ACTR3C: variants seen among roughly 807,000 people sequenced by gnomAD.
ACTR3C encodes the protein actin-related protein 3C.
In ACTR3C, 18 loss-of-function variants were observed where a neutral mutation model predicts 26.3. That is an observed-to-expected ratio of 0.68 (90% CI 0.47 to 1.01). The LOEUF is 1.01. Ranked by LOEUF, ACTR3C falls within the 50% of genes least tolerant of loss-of-function variation. The pLI, the probability that ACTR3C is intolerant of heterozygous loss-of-function variation, is 0.00. For missense variants in ACTR3C, 184 were observed against 250.7 expected (o/e 0.73, Z 1.80); for synonymous variants, 55 against 94.5 (o/e 0.58, Z 2.42).
the ACTR3C span, among the ~76,000 whole-genome samples, chr7:150,042,469 A>G: frequency 7.2e-6 from 1 of 138,004 alleles, no homozygotes. Context: ...CAGGGGAGGA[A>G]AGGGGGAGGT....
intron 4 of ACTR3C, among the ~76,000 whole-genome samples, chr7:150,288,930 A>G (rs1835992230): frequency 6.6e-6 from 1 of 151,624 alleles, no homozygotes; most frequent in South Asian, 2.1e-4. Flanking sequence ...AGAAGGGAGG[A>G]AGGCAGTGAG....
rs1399515186 is a variant in ACTR3C at position 150,287,037 on chromosome 7, C to G, written c.298-497G>C. Among the ~76,000 whole-genome samples, 3 of 152,308 alleles carry G rather than the reference C, an allele frequency of 2.0e-5. No homozygotes were observed. The East Asian group carries it at 5.8e-4, about 29-fold the overall frequency. On this transcript the variant is annotated intron_variant, in intron 4 of 7. Coordinates refer to ENST00000683684, the MANE Select transcript of ACTR3C (RefSeq NM_001164458.2). ...CAGCATGCCACAAGCCGGGTGGCCA[C>G]TGTCAACCTGCTGGTTGTTAATCTG... is the stretch of plus-strand genomic sequence containing the variant.
At chr7:150,167,014 C>T in the ACTR3C span, among the ~76,000 whole-genome samples, 85,073 of 141,216 alleles carry the variant, frequency 0.6, 26,523 homozygotes, top group East Asian at 0.83. Context: ...TAGTATTCCA[C>T]TGTGTATATA....
chr7:150,078,254 C>A, the ACTR3C span, among the ~76,000 whole-genome samples: 1 of 149,734 alleles, frequency 6.7e-6, no homozygotes, highest in South Asian at 2.2e-4. Context: ...CTCCCAAAGG[C>A]AAATGCAAGT....
At chr7:150,255,691 G>A (rs1252475924) in intron 6 of ACTR3C, among the ~76,000 whole-genome samples, 1 of 152,076 alleles carries the variant, frequency 6.6e-6, no homozygotes, top group African/African-American at 2.4e-5. Flanking sequence ...ATGATCGTTT[G>A]CCAACAGCAA....
At chr7:149,984,906 T>G in the ACTR3C span, among the ~76,000 whole-genome samples, 1 of 152,152 alleles carries the variant, frequency 6.6e-6, no homozygotes, top group East Asian at 1.9e-4. Context: ...TTAATAAAAT[T>G]TTGATCAAAA....
At chr7:150,018,292 C>A in the ACTR3C span, among the ~76,000 whole-genome samples, 1 of 147,762 alleles carries the variant, frequency 6.8e-6, no homozygotes, top group Non-Finnish European at 1.5e-5. Flanking sequence ...GATACACCCA[C>A]CTCGGCCTCC....
the ACTR3C span, among the ~76,000 whole-genome samples, chr7:150,048,087 C>T: frequency 6.6e-6 from 1 of 152,078 alleles, no homozygotes; most frequent in Admixed American, 6.5e-5. Context: ...CTCGCGAAGC[C>T]GGGGCTCTGG....
chr7:150,180,410 C>G, the ACTR3C span, among the ~76,000 whole-genome samples: 1 of 150,790 alleles, frequency 6.6e-6, no homozygotes, highest in Non-Finnish European at 1.5e-5. Context: ...TTTTACTTCC[C>G]TGACCAGTAG....
chr7:149,907,478 T>TTCTCTTCTCTTCTCTCTCTCTCTCTC, the ACTR3C span, among the ~76,000 whole-genome samples: 10 of 97,686 alleles, frequency 1.0e-4, no homozygotes, highest in South Asian at 4.6e-4. Flanking sequence ...CTCTCTTCTC[T>TTCTCTTCTCTTCTCTCTCTCTCTCTC]TCTCTCTCTC....
chr7:150,039,829 G>C, the ACTR3C span, among the ~76,000 whole-genome samples: 112 of 92,814 alleles, frequency 1.2e-3, no homozygotes, highest in Middle Eastern at 9.6e-3. Flanking sequence ...GGGTGCCTCC[G>C]CCCCCAGCGA....
the ACTR3C span, among the ~76,000 whole-genome samples, chr7:149,903,354 G>C: frequency 2.0e-5 from 3 of 152,050 alleles, no homozygotes; most frequent in Non-Finnish European, 4.4e-5. Flanking sequence ...AGAATGTGCA[G>C]ACTGTTAAAT....
chr7:150,272,322 T>G (rs138864495), intron 6 of ACTR3C, among the ~76,000 whole-genome samples: 5,037 of 139,216 alleles, frequency 0.036, 1,445 homozygotes, highest in African/African-American at 0.15. Flanking sequence ...CCACTTATTT[T>G]CTTAGTACCC....
chr7:150,063,508 G>A, the ACTR3C span, among the ~76,000 whole-genome samples: 17 of 151,432 alleles, frequency 1.1e-4, no homozygotes, highest in East Asian at 1.9e-4. Context: ...TGGGAAGGCC[G>A]TCTTCCTACC....
At chr7:149,955,872 C>T in the ACTR3C span, among the ~76,000 whole-genome samples, 42 of 151,948 alleles carry the variant, frequency 2.8e-4, no homozygotes, top group Admixed American at 2.3e-3. Flanking sequence ...CAAAGACAGT[C>T]GACAAGGACA....
At position 150,289,525 on chromosome 7, in the gene ACTR3C, G is replaced by A. The variant is rs752125343; in HGVS notation, c.222C>T (p.Phe74=). 1.9e-6 allele frequency: 3 copies of A among 1,604,746 alleles called. No individual in the cohort carries two copies. Among genetic ancestry groups the A allele is most frequent in the Non-Finnish European group, 2.6e-6 (3 of 1,174,990 alleles). ...CCCTCTCCCTTAGCAGCTGTTGAATGAAATACGTAATATCTCTACCTGCAA... is the reference window on the plus strand; with the variant it reads ...CCCTCTCCCTTAGCAGCTGTTGAATAAAATACGTAATATCTCTACCTGCAA... ...IPIAGRDITY[F]IQQLLREREV... The change falls in exon 4 of 8, where the codon TTC becomes TTT. Residue 74 remains phenylalanine (F), a synonymous_variant. Coordinates refer to ENST00000683684, the MANE Select transcript of ACTR3C (RefSeq NM_001164458.2).
chr7:150,084,217 T>C, the ACTR3C span, among the ~76,000 whole-genome samples: 15 of 147,926 alleles, frequency 1.0e-4, no homozygotes, highest in African/African-American at 3.5e-4. Flanking sequence ...TTACTATGTA[T>C]ACCAGTTACT....
At chr7:149,993,376 CTTATAATTTGACAT>C in the ACTR3C span, among the ~76,000 whole-genome samples, 10 of 152,294 alleles carry the variant, frequency 6.6e-5, no homozygotes, top group Admixed American at 4.6e-4. Flanking sequence ...AATTTGCACA[CTTATAATTTGACAT>C]TTATAATTTC....
At chr7:150,082,485 C>T in the ACTR3C span, among the ~76,000 whole-genome samples, 9 of 152,250 alleles carry the variant, frequency 5.9e-5, no homozygotes, top group South Asian at 1.0e-3. Context: ...AAGGGGACAG[C>T]GTATTTCAGG....
Sources: allele counts gnomAD v4.1 joint callset (sites outside exome capture counted in the v4.1 genomes callset), GRCh38; gene constraint gnomAD v4.1.1; transcripts MANE v1.5; gene names NCBI Gene and HGNC (gene_info 2026-07-23, HGNC 2026-07-21).